The following ATF7IP2 variants were observed in gnomAD, a reference collection of about 807,000 sequenced individuals.
ATF7IP2 encodes the protein activating transcription factor 7 interacting protein 2.
A neutral mutation model predicts 64.2 loss-of-function variants in ATF7IP2; 42 were observed. The ratio of observed to expected loss-of-function variants is 0.65; its 90% confidence interval spans 0.51 to 0.85. The LOEUF is 0.85. Ranked by LOEUF, ATF7IP2 falls within the 40% of genes least tolerant of loss-of-function variation. The pLI is 0.00. For synonymous variants in ATF7IP2, 308 were observed against 272.8 expected, an observed-to-expected ratio of 1.13 and a Z score of -1.27; for missense variants, 933 against 784.2, an observed-to-expected ratio of 1.19 and a Z score of -2.27.
At chr16:10,471,199 T>C (rs2049785830) in intron 9 of ATF7IP2, among the ~76,000 whole-genome samples, 1 of 152,126 alleles carries the variant, frequency 6.6e-6, no homozygotes, top group Non-Finnish European at 1.5e-5. Context: ...TACACCTAAG[T>C]ACAAACAGTA....
chr16:10,410,151 A>G (rs1470693794), intron 1 of ATF7IP2, among the ~76,000 whole-genome samples: 1 of 152,004 alleles, frequency 6.6e-6, no homozygotes, highest in East Asian at 1.9e-4. Context: ...GAATTTGTAG[A>G]TTGCTCTTGG....
Position 10,453,304 on chromosome 16 carries a change from C to T in ATF7IP2, c.1195-4068C>T, listed in dbSNP as rs551802877. ...CTGGGCTGGAGTGTACCGTTCCTCA[C>T]GGCATAGTCCATCATGGCTTCCCTT... On this transcript the variant is annotated intron_variant, in intron 8 of 13. Transcript: ENST00000562102. Among the ~76,000 whole-genome samples the T allele has an allele frequency of 1.4e-4, 22 of 152,260 alleles. No individual in the cohort carries two copies. The South Asian group carries it at 2.3e-3, about 16-fold the overall frequency.
rs547245797 is a variant in ATF7IP2 at position 10,439,520 on chromosome 16, C to T, written c.1096-844C>T. Among the ~76,000 whole-genome samples the T allele has an allele frequency of 2.0e-5, 3 of 146,726 alleles. No homozygotes were observed. In the East Asian group the frequency reaches 6.2e-4, roughly 30 times the overall value. ...AAGTGCTGGGATTATAGGCGTGAGC[C>T]ACCGCCCCCAGCCTTTTTTTTTTTT... is the stretch of plus-strand genomic sequence containing the variant. On this transcript the variant is annotated intron_variant, in intron 7 of 13. Coordinates refer to ENST00000562102, the MANE Select transcript of ATF7IP2 (RefSeq NM_001393719.1).
intron 8 of ATF7IP2, chr16:10,446,622 G>A (rs539471724): frequency 6.6e-6 from 1 of 152,252 alleles, no homozygotes; most frequent in African/African-American, 2.4e-5. Context: ...TTCGAGGATT[G>A]GTTCCTGGGT....
At chr16:10,470,087 G>C (rs536471319) in intron 9 of ATF7IP2, among the ~76,000 whole-genome samples, 2 of 152,178 alleles carry the variant, frequency 1.3e-5, no homozygotes, top group African/African-American at 4.8e-5. Context: ...TCTGTACAAA[G>C]TAATATAGAC....
chr16:10,417,154 C>T (rs1469386702), intron 2 of ATF7IP2, among the ~76,000 whole-genome samples: 1 of 151,846 alleles, frequency 6.6e-6, no homozygotes, highest in Non-Finnish European at 1.5e-5. Context: ...ACCACAAAGA[C>T]GAGGAAAACA....
chr16:10,396,936 G>C (rs1054144890), intron 1 of ATF7IP2, among the ~76,000 whole-genome samples: 7 of 152,042 alleles, frequency 4.6e-5, no homozygotes, highest in Admixed American at 2.6e-4. Flanking sequence ...CAAAGTGTTG[G>C]GATTACAGGC....
At chr16:10,402,907 CAAA>C (rs34917688) in intron 1 of ATF7IP2, among the ~76,000 whole-genome samples, 13 of 146,296 alleles carry the variant, frequency 8.9e-5, no homozygotes, top group African/African-American at 1.5e-4. Context: ...GACCCTTTCT[CAAA>C]AAAAAAAAAA....
chr16:10,421,167 C>G (rs543728962), intron 3 of ATF7IP2, among the ~76,000 whole-genome samples: 1 of 152,208 alleles, frequency 6.6e-6, no homozygotes, highest in Admixed American at 6.5e-5. Flanking sequence ...GATTTCCTAT[C>G]ACAGTAGCAA....
At chr16:10,460,413 T>G (rs529826338) in intron 9 of ATF7IP2, among the ~76,000 whole-genome samples, 51 of 152,282 alleles carry the variant, frequency 3.3e-4, no homozygotes, top group African/African-American at 1.2e-3. Flanking sequence ...GTCAAGATAC[T>G]CTTTAATTAG....
chr16:10,471,515 C>G (rs2049799342), intron 9 of ATF7IP2, among the ~76,000 whole-genome samples: 1 of 151,454 alleles, frequency 6.6e-6, no homozygotes, highest in Non-Finnish European at 1.5e-5. Flanking sequence ...GGGACAAGAG[C>G]AAAACTCCAT....
chr16:10,444,406 G>A (rs923846672), intron 8 of ATF7IP2, among the ~76,000 whole-genome samples: 1 of 152,048 alleles, frequency 6.6e-6, no homozygotes, highest in African/African-American at 2.4e-5. Context: ...AGGTTGGTTC[G>A]AGTTTTTCTT....
intron 12 of ATF7IP2, among the ~76,000 whole-genome samples, chr16:10,476,498 GT>G (rs1230895089): frequency 3.3e-5 from 5 of 151,116 alleles, no homozygotes; most frequent in Non-Finnish European, 5.9e-5. Context: ...GTGTGTGTGT[GT>G]TTTTTTTTAA....
chr16:10,407,093 TG>T (rs2047656481), intron 1 of ATF7IP2, among the ~76,000 whole-genome samples: 1 of 152,218 alleles, frequency 6.6e-6, no homozygotes, highest in Admixed American at 6.5e-5. Context: ...GCTATCAATG[TG>T]ATACATTATA....
intron 9 of ATF7IP2, among the ~76,000 whole-genome samples, chr16:10,467,982 C>T (rs370092456): frequency 2.0e-5 from 3 of 150,536 alleles, no homozygotes; most frequent in South Asian, 2.1e-4. Flanking sequence ...CGAGTTTAAG[C>T]GTTTCTCCTG....
intron 12 of ATF7IP2, among the ~76,000 whole-genome samples, chr16:10,476,095 G>A (rs957110507): frequency 1.3e-5 from 2 of 152,136 alleles, no homozygotes; most frequent in Admixed American, 1.3e-4. Flanking sequence ...TCAGCTGTTG[G>A]CTAAAAATGT....
chr16:10,395,945 A>G (rs1053892523), intron 1 of ATF7IP2, among the ~76,000 whole-genome samples: 3 of 152,102 alleles, frequency 2.0e-5, no homozygotes, highest in Admixed American at 1.3e-4. Context: ...TTTTCAAATA[A>G]TAAAAGCATC....
At chr16:10,404,445 A>G (rs2076579865) in intron 1 of ATF7IP2, among the ~76,000 whole-genome samples, 2 of 152,138 alleles carry the variant, frequency 1.3e-5, no homozygotes, top group Admixed American at 1.3e-4. Context: ...GGGTTTCACC[A>G]TGTTGGCCCG....
intron 1 of ATF7IP2, among the ~76,000 whole-genome samples, chr16:10,398,228 C>T (rs1246369761): frequency 3.3e-5 from 5 of 151,592 alleles, no homozygotes; most frequent in Non-Finnish European, 5.9e-5. Flanking sequence ...TGCTTGAACC[C>T]GGGAGGCAGA....
Sources: allele counts gnomAD v4.1 joint callset (sites outside exome capture counted in the v4.1 genomes callset), GRCh38; gene constraint gnomAD v4.1.1; transcripts MANE v1.5; gene names NCBI Gene and HGNC (gene_info 2026-07-23, HGNC 2026-07-21).